LPCAT1: variants seen among roughly 807,000 people sequenced by gnomAD.
LPCAT1 encodes the protein 1-acylglycerol-3-phosphate O-acyltransferase.
A neutral mutation model predicts 60.9 loss-of-function variants in LPCAT1; 23 were observed. That is an observed-to-expected ratio of 0.38 (90% CI 0.27 to 0.53). LPCAT1 has a LOEUF of 0.53. Among genes scored for constraint, LPCAT1 ranks in the 20% least tolerant of loss-of-function variants. The pLI is 0.82. For synonymous variants in LPCAT1, 340 were observed against 301.1 expected (o/e 1.13, Z -1.34); for missense variants, 622 against 723.6 (o/e 0.86, Z 1.61).
At chr5:1,519,578 G>A (rs2963275) in intron 1 of LPCAT1, among the ~76,000 whole-genome samples, 49,374 of 152,102 alleles carry the variant, frequency 0.32, 8,641 homozygotes, top group Admixed American at 0.41. Context: ...TCCTTGTGAG[G>A]TGAGGGCAGG....
At chr5:1,484,917 G>A (rs1043587659) in intron 5 of LPCAT1, among the ~76,000 whole-genome samples, 2 of 152,196 alleles carry the variant, frequency 1.3e-5, no homozygotes, top group Non-Finnish European at 2.9e-5. Flanking sequence ...GTGCCCAGGT[G>A]GACGGGTGGC....
chr5:1,485,371 C>A (rs911335104), intron 5 of LPCAT1, among the ~76,000 whole-genome samples: 2 of 152,124 alleles, frequency 1.3e-5, no homozygotes, highest in Non-Finnish European at 2.9e-5. Flanking sequence ...CACTGTGCAC[C>A]CAAGGCAGGC....
intron 1 of LPCAT1, among the ~76,000 whole-genome samples, chr5:1,519,354 C>A (rs1736602445): frequency 6.6e-6 from 1 of 152,226 alleles, no homozygotes; most frequent in African/African-American, 2.4e-5. Flanking sequence ...CATACACACA[C>A]TCATATTAGA....
chr5:1,507,264 C>T (rs1057070276), intron 1 of LPCAT1, among the ~76,000 whole-genome samples: 1 of 152,154 alleles, frequency 6.6e-6, no homozygotes, highest in African/African-American at 2.4e-5. Flanking sequence ...GGCTGTGGGC[C>T]GGCTGTCACC....
At chr5:1,489,905 G>T in intron 3 of LPCAT1, 47 bp from the exon 4 acceptor site, 1 of 1,344,978 alleles carries the variant, frequency 7.4e-7, no homozygotes. Flanking sequence ...CACGGCTCCC[G>T]CCAGGCAGGG....
In LPCAT1 at chr5:1,487,403, G is replaced by A. The variant is rs564510207; in HGVS notation, c.667+988C>T. ...ACGGGAAGACCCAGTACCTTCCAGT[G>A]AGCTGCACCTTGAAGCCTCTGGAAG... On this transcript the variant is annotated intron_variant, in intron 5 of 13. Coordinates refer to ENST00000283415, the MANE Select transcript of LPCAT1 (RefSeq NM_024830.5). The surrounding 1 kb of genome is among the most constrained non-coding windows in gnomAD (Gnocchi z 6.1). Among the ~76,000 whole-genome samples, 3 of 152,312 alleles carry A rather than the reference G, an allele frequency of 2.0e-5. No individual in the cohort carries two copies. The highest frequency in any genetic ancestry group is 7.2e-5 in the African/African-American group (3 of 41,564).
At chr5:1,489,622 C>G in intron 4 of LPCAT1, 124 bp downstream of exon 4, 1 of 800,462 alleles carries the variant, frequency 1.2e-6, no homozygotes, top group Non-Finnish European at 2.2e-6. Flanking sequence ...TTCACGCACT[C>G]ACTAGGAGAA....
Position 1,487,017 on chromosome 5 carries a change from TC to T in LPCAT1, c.667+1373del, listed in dbSNP as rs1735395776. 6.6e-6 allele frequency among the ~76,000 whole-genome samples: 1 copy of T among 152,088 alleles called. No individual in the cohort carries two copies. The highest frequency in any genetic ancestry group is 1.5e-5 in the Non-Finnish European group (1 of 68,012). On this transcript the variant is annotated intron_variant, in intron 5 of 13. Transcript: ENST00000283415. The surrounding 1 kb of genome is among the most constrained non-coding windows in gnomAD (Gnocchi z 6.1). The stretch of plus-strand genomic sequence containing the variant: ...GAGGTGCTCACACGCCCTCCTCACG[TC>T]TACACAAGGGCCGCCAGCTCCAAAG...
At position 1,487,789 on chromosome 5, in the gene LPCAT1, G is replaced by A. The variant is rs1005669675; in HGVS notation, c.667+602C>T. ...GACCCTCTGACACGCCCAAGGGTGT[G>A]CAGAATTCCAAACAGACTCAGCGCA... On this transcript the variant is annotated intron_variant, in intron 5 of 13. Coordinates refer to ENST00000283415, the MANE Select transcript of LPCAT1 (RefSeq NM_024830.5). The surrounding 1 kb of genome is among the most constrained non-coding windows in gnomAD (Gnocchi z 6.1). Among the ~76,000 whole-genome samples the A allele has an allele frequency of 1.3e-5, 2 of 152,166 alleles. No individual in the cohort carries two copies. Among genetic ancestry groups the A allele is most frequent in the Non-Finnish European group, 2.9e-5 (2 of 68,034 alleles).
intron 1 of LPCAT1, among the ~76,000 whole-genome samples, chr5:1,519,088 T>A (rs1213733019): frequency 6.6e-6 from 1 of 152,218 alleles, no homozygotes; most frequent in Non-Finnish European, 1.5e-5. Context: ...GTGCTGACAA[T>A]ATAAGATAAA....
chr5:1,474,090 T>G lies in LPCAT1; in HGVS notation c.1046A>C (p.Glu349Ala), dbSNP rs773130273. Residue 349 changes from glutamate to alanine, a missense_variant, in exon 11 of 14, where the codon GAA (glutamate) becomes GCA (alanine). By Grantham distance (107) the Glu-to-Ala change is moderately radical. Coordinates refer to ENST00000283415, the MANE Select transcript of LPCAT1 (RefSeq NM_024830.5). ...TTCTGAGTATCTGTCCAGATCTTTT[T>G]CAAGCTTTTCTGGTTTTAGCCTAGA... is the stretch of plus-strand genomic sequence containing the variant. Reference protein sequence around the residue: ...RGLGLKPEKLEKDLDRYSERA... With the variant: ...RGLGLKPEKLAKDLDRYSERA... 6.2e-7 allele frequency: 1 copy of G among 1,612,996 alleles called. No individual in the cohort carries two copies. Among genetic ancestry groups the G allele is most frequent in the Non-Finnish European group, 8.5e-7 (1 of 1,179,680 alleles).
intron 1 of LPCAT1, among the ~76,000 whole-genome samples, chr5:1,511,267 C>T (rs929082127): frequency 3.6e-4 from 55 of 152,318 alleles, no homozygotes; most frequent in African/African-American, 1.3e-3. Flanking sequence ...CCCCGGCGCG[C>T]GCTGTTTGTG....
chr5:1,474,327 G>A (rs1734810251), intron 10 of LPCAT1, among the ~76,000 whole-genome samples: 1 of 152,206 alleles, frequency 6.6e-6, no homozygotes, highest in South Asian at 2.1e-4. Context: ...CCCTTCCCAG[G>A]GCAGATGTGG....
intron 11 of LPCAT1, among the ~76,000 whole-genome samples, chr5:1,473,085 C>T (rs529694143): frequency 6.6e-6 from 1 of 152,262 alleles, no homozygotes; most frequent in African/African-American, 2.4e-5. Flanking sequence ...AGAGTCCTCC[C>T]CCTGTCCTGA....
chr5:1,503,627 C>T (rs1736095156), intron 1 of LPCAT1, among the ~76,000 whole-genome samples: 1 of 152,240 alleles, frequency 6.6e-6, no homozygotes, highest in African/African-American at 2.4e-5. Context: ...TCACTTCCTC[C>T]CAGCGGCTTC....
At chr5:1,509,034 G>T (rs891039485) in intron 1 of LPCAT1, among the ~76,000 whole-genome samples, 1 of 152,262 alleles carries the variant, frequency 6.6e-6, no homozygotes, top group African/African-American at 2.4e-5. Flanking sequence ...CCAGGCGCAG[G>T]GATGCTGCGG....
rs568559787 is a variant in LPCAT1, at chr5:1,473,635, C to G, written c.1179+322G>C. Among the ~76,000 whole-genome samples, 7 of 152,310 alleles carry G rather than the reference C, an allele frequency of 4.6e-5. No homozygotes were observed. The South Asian group carries it at 1.4e-3, about 32-fold the overall frequency. On this transcript the variant is annotated intron_variant, in intron 11 of 13. Coordinates refer to ENST00000283415, the MANE Select transcript of LPCAT1 (RefSeq NM_024830.5). ...CGCTGCAAAGAGCAGCTCTGGTGAGCAGGGGACCCTGCAGGGGGTCCCTTG... is the reference window on the plus strand; with the variant it reads ...CGCTGCAAAGAGCAGCTCTGGTGAGGAGGGGACCCTGCAGGGGGTCCCTTG...
intron 1 of LPCAT1, among the ~76,000 whole-genome samples, chr5:1,516,263 G>A (rs1240703121): frequency 6.6e-6 from 1 of 152,250 alleles, no homozygotes; most frequent in Non-Finnish European, 1.5e-5. Flanking sequence ...GGACAGGACA[G>A]GTCTAGCCTG....
At position 1,466,828 on chromosome 5, in the gene LPCAT1, C is replaced by T. The variant is rs770019660; in HGVS notation, c.1341G>A (p.Thr447=). ...GEGDLSCILK[T]ALGVAELTVT... Reference sequence around the variant, plus strand: ...CGGTGAGCTCTGCCACCCCCAGGGCCGTCTTGAGGATGCAGGACAGGTCAC... The same window carrying T: ...CGGTGAGCTCTGCCACCCCCAGGGCTGTCTTGAGGATGCAGGACAGGTCAC... The change falls in exon 13 of 14, where the codon ACG becomes ACA. Residue 447 remains threonine, a synonymous_variant. Coordinates refer to ENST00000283415, the MANE Select transcript of LPCAT1 (RefSeq NM_024830.5). 1.2e-6 allele frequency: 2 copies of T among 1,613,306 alleles called. No individual in the cohort carries two copies. Among genetic ancestry groups the T allele is most frequent in the East Asian group, 2.2e-5 (1 of 44,848 alleles).
Sources: gnomAD v4.1 joint callset for allele counts (sites outside exome capture counted in the v4.1 genomes callset) on GRCh38, gnomAD v4.1.1 for gene constraint, Gnocchi (gnomAD v3.1) non-coding constraint, MANE v1.5 for transcripts, NCBI Gene and HGNC (gene_info 2026-07-23, HGNC 2026-07-21) for gene names.